Variants in NPHP1 observed in about 807,000 individuals in gnomAD.
NPHP1 encodes the protein nephrocystin 1.
NPHP1 carries 70 observed loss-of-function variants against 90.4 expected under a neutral mutation model. The ratio of observed to expected loss-of-function variants is 0.77; its 90% CI spans 0.64 to 0.95. The LOEUF (loss-of-function observed/expected upper bound fraction) is 0.95, where lower values mean the gene tolerates loss of function less well. Ranked by LOEUF, NPHP1 falls within the 40% of genes least tolerant of loss-of-function variation. The pLI, the probability that NPHP1 is intolerant of heterozygous loss-of-function variation, is 0.00. For synonymous variants in NPHP1, 256 were observed against 271.7 expected (o/e 0.94, Z 0.57); for missense variants, 764 against 795.9 (o/e 0.96, Z 0.48).
Position 110,194,827 on chromosome 2 carries a change from T to C in NPHP1, c.143+6594A>G, listed in dbSNP as rs1323480915. Among the ~76,000 whole-genome samples the C allele has an allele frequency of 2.6e-5, 4 of 152,266 alleles. No homozygotes were observed. In the East Asian group the frequency reaches 7.7e-4, roughly 29 times the overall value. On this transcript the variant is annotated intron_variant, in intron 2 of 19. Coordinates refer to ENST00000445609, the MANE Select transcript of NPHP1 (RefSeq NM_001128178.3). ...ATCCACCATGATCAAGTGGGCTTCATCCCTGGGATGCAAGGCTGGTTCAAC... is the reference window on the plus strand; with the variant it reads ...ATCCACCATGATCAAGTGGGCTTCACCCCTGGGATGCAAGGCTGGTTCAAC...
chr2:110,138,685 C>T (rs11688553), intron 16 of NPHP1, among the ~76,000 whole-genome samples: 45,950 of 151,830 alleles, frequency 0.3, 7,635 homozygotes, highest in East Asian at 0.56. Flanking sequence ...ATGTTCTGCC[C>T]TTTGGTCCAC....
chr2:110,145,970 A>G (rs1681013124), intron 14 of NPHP1, among the ~76,000 whole-genome samples: 1 of 152,154 alleles, frequency 6.6e-6, no homozygotes, highest in African/African-American at 2.4e-5. Context: ...AATCCTCACA[A>G]CAAGCCTTTG....
intron 11 of NPHP1, among the ~76,000 whole-genome samples, chr2:110,156,594 T>G (rs928318351): frequency 6.6e-6 from 1 of 152,104 alleles, no homozygotes; most frequent in African/African-American, 2.4e-5. Flanking sequence ...AGTGTCTGCC[T>G]GCTTCTGAAT....
intron 16 of NPHP1, 142 bp from the exon 17 acceptor site, chr2:110,131,933 TCTA>T: frequency 3.1e-6 from 2 of 639,870 alleles, no homozygotes; most frequent in Non-Finnish European, 5.6e-6. Context: ...AAGAAAAATT[TCTA>T]CTACAAGTAG....
chr2:110,193,453 G>C (rs926238499), intron 2 of NPHP1, among the ~76,000 whole-genome samples: 1 of 151,870 alleles, frequency 6.6e-6, no homozygotes, highest in Admixed American at 6.6e-5. Flanking sequence ...ACAAGAAGAG[G>C]TAACTATCCT....
Position 110,133,966 on chromosome 2 carries a change from G to C in NPHP1, c.1530-2175C>G, listed in dbSNP as rs375205567. 7.2e-5 allele frequency among the ~76,000 whole-genome samples: 11 copies of C among 151,820 alleles called. 1 individual carries two copies. The highest frequency in any genetic ancestry group is 5.8e-4 in the East Asian group (3 of 5,182). On this transcript the variant is annotated intron_variant, in intron 16 of 19. Coordinates refer to ENST00000445609, the MANE Select transcript of NPHP1 (RefSeq NM_001128178.3). ...TCAACAACCTAACTTTATGCCCTAA[G>C]GAACTAGAAGAACAAAACTAGCAGA...
At chr2:110,180,911 G>A (rs1476791273) in intron 2 of NPHP1, among the ~76,000 whole-genome samples, 2 of 152,188 alleles carry the variant, frequency 1.3e-5, no homozygotes, top group Admixed American at 1.3e-4. Context: ...AGCTGCTCAG[G>A]CACATACAGT....
intron 11 of NPHP1, among the ~76,000 whole-genome samples, chr2:110,155,676 G>T (rs2104525976): frequency 6.6e-6 from 1 of 152,264 alleles, no homozygotes; most frequent in East Asian, 1.9e-4. Flanking sequence ...TTTTGGACTT[G>T]CATGGGGCCT....
Position 110,197,056 on chromosome 2 carries a change from A to T in NPHP1, c.143+4365T>A, listed in dbSNP as rs565082007. On this transcript the variant is annotated intron_variant, in intron 2 of 19. Coordinates refer to ENST00000445609, the MANE Select transcript of NPHP1 (RefSeq NM_001128178.3). The stretch of plus-strand genomic sequence containing the variant: ...AGAAAACCAAACTCCGCATGTTCTC[A>T]CTTATAAGTGGGAGCTGAATGATGA... 4.8e-4 allele frequency among the ~76,000 whole-genome samples: 73 copies of T among 152,298 alleles called. 1 individual carries two copies. The highest frequency in any genetic ancestry group is 1.7e-3 in the African/African-American group (71 of 41,564).
intron 16 of NPHP1, 72 bp downstream of exon 16, chr2:110,143,470 G>T: frequency 9.5e-7 from 1 of 1,050,124 alleles, no homozygotes; most frequent in Non-Finnish European, 1.5e-6. Flanking sequence ...ATGAGGAAAA[G>T]CCAAAAGCAG....
intron 2 of NPHP1, among the ~76,000 whole-genome samples, chr2:110,182,916 C>G (rs1045722553): frequency 1.3e-5 from 2 of 151,984 alleles, no homozygotes; most frequent in Non-Finnish European, 2.9e-5. Flanking sequence ...TTTGCAAAGA[C>G]ACACATAGGT....
chr2:110,178,678 G>A (rs1008928113), intron 3 of NPHP1, 131 bp from the exon 4 acceptor site: 6 of 732,532 alleles, frequency 8.2e-6, no homozygotes, highest in African/African-American at 7.1e-5. Flanking sequence ...CCTATCTTAG[G>A]GAAATAAATT....
In NPHP1 at chr2:110,161,607, C is replaced by T. The variant is rs985279869; in HGVS notation, c.950G>A (p.Gly317Asp). 6.9e-6 allele frequency: 11 copies of T among 1,597,332 alleles called. No individual in the cohort carries two copies. Among genetic ancestry groups the T allele is most frequent in the Non-Finnish European group, 9.4e-6 (11 of 1,165,492 alleles). Residue 317 changes from glycine to aspartate, a missense_variant, in exon 10 of 20, where the codon GGC becomes GAC. Physicochemically the swap from Gly to Asp is moderately conservative, Grantham distance 94. Transcript: ENST00000445609. ...FRDLMWDATE[G>D]TIRSRPSRIS... ...ACTGATAGTAACTATACTTACAGTG[C>T]CTTCTGTAGCATCCCACATCAGATC...
intron 2 of NPHP1, among the ~76,000 whole-genome samples, chr2:110,187,169 G>A (rs1252755386): frequency 1.3e-5 from 2 of 151,900 alleles, no homozygotes; most frequent in Admixed American, 6.6e-5. Context: ...AAATAACCAA[G>A]ATCAGAGCTG....
chr2:110,157,193 A>ATAAATTTCTTTCATAAAG lies in NPHP1; in HGVS notation c.1083+2916_1083+2933dup, dbSNP rs552008015. On this transcript the variant is annotated intron_variant, in intron 11 of 19. Transcript: ENST00000445609. ...ATAACTCTCAATTTGGAAATCTCAC[A>ATAAATTTCTTTCATAAAG]TAAATTTCTTTCATAAAGTAAATTT... is the stretch of plus-strand genomic sequence containing the variant. Among the ~76,000 whole-genome samples, 130 of 152,334 alleles carry ATAAATTTCTTTCATAAAG rather than the reference A, an allele frequency of 8.5e-4. 1 individual carries two copies. The highest frequency in any genetic ancestry group is 2.8e-3 in the African/African-American group (117 of 41,566).
chr2:110,154,697 G>T (rs2104522260), intron 11 of NPHP1, among the ~76,000 whole-genome samples: 1 of 152,224 alleles, frequency 6.6e-6, no homozygotes, highest in East Asian at 1.9e-4. Context: ...CTAGAGATTT[G>T]TGGAACTCTG....
In NPHP1 at chr2:110,125,666, T is replaced by C. The variant is rs768355265; in HGVS notation, c.1732A>G (p.Lys578Glu). The change falls in exon 19 of 20, where the codon AAA becomes GAA. Residue 578 changes from lysine (K) to glutamate (E), a missense_variant. Lys to Glu is a moderately conservative substitution (Grantham distance 56). Transcript: ENST00000445609. ...MDALRSSWAG[K>E]ESTLKRSEKR... is the part of the protein sequence containing the mutation. The stretch of plus-strand genomic sequence containing the variant: ...TCTGATCTTTTTAATGTGCTTTCTT[T>C]TCCAGCCCACGAACTCTAAAGAGCA... The C allele has an allele frequency of 2.4e-5, 38 of 1,613,354 alleles. No individual in the cohort carries two copies. Among genetic ancestry groups the C allele is most frequent in the Non-Finnish European group, 3.1e-5 (37 of 1,179,570 alleles).
At chr2:110,202,631 A>C (rs1037840594) in intron 1 of NPHP1, among the ~76,000 whole-genome samples, 4 of 152,132 alleles carry the variant, frequency 2.6e-5, no homozygotes, top group African/African-American at 9.7e-5. Flanking sequence ...TCCTTCTAAA[A>C]CTTTTCCTGG....
intron 11 of NPHP1, among the ~76,000 whole-genome samples, chr2:110,150,700 TCA>T (rs926769385): frequency 6.6e-6 from 1 of 151,736 alleles, no homozygotes; most frequent in African/African-American, 2.4e-5. Context: ...CAGGTCCCTG[TCA>T]CCACGCCCAG....
Sources: allele counts gnomAD v4.1 joint callset (sites outside exome capture counted in the v4.1 genomes callset), GRCh38; gene constraint gnomAD v4.1.1; transcripts MANE v1.5; gene names NCBI Gene and HGNC (gene_info 2026-07-23, HGNC 2026-07-21).